The following CEP152 variants were observed in gnomAD, a reference collection of about 807,000 sequenced individuals.
The protein encoded by CEP152 is centrosomal protein 152, also known as centrosomal protein of 152 kDa.
In CEP152, 132 loss-of-function variants were observed where a neutral mutation model predicts 188.9. That is an observed-to-expected ratio of 0.70 (90% CI 0.61 to 0.81). The LOEUF is 0.81. Ranked by LOEUF, CEP152 falls within the 30% of genes least tolerant of loss-of-function variation. The probability of loss-of-function intolerance (pLI) is 0.00; values close to 1 mark genes in which losing one functional copy is unlikely to be tolerated. For synonymous variants in CEP152, 649 were observed against 666.6 expected (o/e 0.97, Z 0.41); for missense variants, 1,914 against 1,969.8 (o/e 0.97, Z 0.54).
chr15:48,745,025 T>C (rs1033202452), intron 22 of CEP152, 33 bp from the exon 23 acceptor site: 3 of 1,485,502 alleles, frequency 2.0e-6, no homozygotes, highest in African/African-American at 2.9e-5. Context: ...TATTAGACAG[T>C]TAAAAATTTT....
intron 26 of CEP152, among the ~76,000 whole-genome samples, chr15:48,739,557 T>C (rs1892813971): frequency 6.6e-6 from 1 of 152,202 alleles, no homozygotes; most frequent in Admixed American, 6.5e-5. Flanking sequence ...TTGCTATCCA[T>C]CTGACCTATC....
rs950124283 is a variant in CEP152, at chr15:48,793,383, T to G, written c.770A>C (p.Glu257Ala). Residue 257 changes from glutamate to alanine, a missense_variant, in exon 7 of 27, where the codon GAA (glutamate) becomes GCA (alanine). Physicochemically the swap from Glu to Ala is moderately radical, Grantham distance 107 (BLOSUM62 -1). Coordinates refer to ENST00000380950, the MANE Select transcript of CEP152 (RefSeq NM_001194998.2). ...TTGACGTTCACTTTCATTTAACTTTTCAATTAAGTTCTCCAGTTGTCTCTC... is the reference window on the plus strand; with the variant it reads ...TTGACGTTCACTTTCATTTAACTTTGCAATTAAGTTCTCCAGTTGTCTCTC... ...AKERQLENLI[E>A]KLNESERQIR... 3 of 1,613,908 alleles carry G rather than the reference T, an allele frequency of 1.9e-6. No homozygotes were observed. The African/African-American group carries it at 4.0e-5, about 22-fold the overall frequency.
chr15:48,744,971 T>C lies in CEP152; in HGVS notation c.3656A>G (p.Glu1219Gly). 1 of 1,606,742 alleles carries C rather than the reference T, an allele frequency of 6.2e-7. No individual in the cohort carries two copies. The part of the protein sequence containing the change: ...KIGEENNKVV[E>G]ELIEENNDMK... ...GTCGTTGTTTTCTTCTATTAATTCT[T>C]CAACAACTTTATTATTCTCTTCTAT... The change falls in exon 23 of 27, where the codon GAA becomes GGA. Residue 1219 changes from glutamate (E) to glycine (G), a missense_variant. Coordinates refer to ENST00000380950, the MANE Select transcript of CEP152 (RefSeq NM_001194998.2).
At chr15:48,739,983 A>C (rs1892839396) in intron 26 of CEP152, among the ~76,000 whole-genome samples, 1 of 152,204 alleles carries the variant, frequency 6.6e-6, no homozygotes, top group Non-Finnish European at 1.5e-5. Flanking sequence ...TGGCTTGTAC[A>C]TGAGGAATGT....
chr15:48,743,335 T>C (rs746967859), intron 24 of CEP152, among the ~76,000 whole-genome samples: 8 of 152,228 alleles, frequency 5.3e-5, no homozygotes, highest in Non-Finnish European at 1.0e-4. Flanking sequence ...ATATACATTT[T>C]TCCTATATAA....
chr15:48,784,566 T>C (rs759226633), intron 9 of CEP152, among the ~76,000 whole-genome samples: 34 of 152,218 alleles, frequency 2.2e-4, no homozygotes, highest in Admixed American at 3.9e-4. Flanking sequence ...GAAAACTCAC[T>C]GTATTCTAAG....
At chr15:48,792,900 T>C (rs1013387934) in intron 7 of CEP152, among the ~76,000 whole-genome samples, 5 of 150,354 alleles carry the variant, frequency 3.3e-5, no homozygotes, top group Non-Finnish European at 5.9e-5. Flanking sequence ...CACTGCAACC[T>C]CCGCCTGCAG....
In CEP152 at chr15:48,793,554, C is replaced by G. The variant is rs535730594; in HGVS notation, c.692-93G>C. ...GTGTTTTTCAAACTGTGACTACAAC[C>G]TTTTAGAGCATCATGAAATCAATTC... On this transcript the variant is annotated intron_variant, in intron 6 of 26. Coordinates refer to ENST00000380950, the MANE Select transcript of CEP152 (RefSeq NM_001194998.2). 2.6e-4 allele frequency: 273 copies of G among 1,068,068 alleles called. 1 individual carries two copies. In the African/African-American group the frequency reaches 3.9e-3, roughly 15 times the overall value. The allele number at this position is 1,068,068 out of a possible 1,614,324, so 66.2% of individuals were successfully genotyped here. A position where few individuals can be genotyped will look rare whatever the true frequency, so the allele number is the denominator to read the frequency against.
At chr15:48,791,964 T>C (rs939076505) in intron 7 of CEP152, among the ~76,000 whole-genome samples, 2 of 152,236 alleles carry the variant, frequency 1.3e-5, no homozygotes, top group African/African-American at 2.4e-5. Flanking sequence ...AAAGAAGTTA[T>C]CTGAGGACTA....
At chr15:48,796,437 C>T (rs1474058018) in intron 5 of CEP152, among the ~76,000 whole-genome samples, 1 of 151,824 alleles carries the variant, frequency 6.6e-6, no homozygotes, top group Non-Finnish European at 1.5e-5. Flanking sequence ...ACAATGAAGG[C>T]AATTTTATAA....
intron 24 of CEP152, 25 bp downstream of exon 24, chr15:48,744,215 T>G: frequency 1.2e-6 from 2 of 1,612,928 alleles, no homozygotes; most frequent in South Asian, 2.2e-5. Flanking sequence ...CAAGCCATCC[T>G]TAAAATCTTC....
At chr15:48,744,555 A>G (rs1893266714) in intron 23 of CEP152, among the ~76,000 whole-genome samples, 1 of 152,224 alleles carries the variant, frequency 6.6e-6, no homozygotes, top group Admixed American at 6.5e-5. Flanking sequence ...CAGTAAATCC[A>G]CATGAAAATT....
At chr15:48,774,160 A>G (rs548210664) in intron 12 of CEP152, among the ~76,000 whole-genome samples, 53 of 152,268 alleles carry the variant, frequency 3.5e-4, no homozygotes, top group Non-Finnish European at 6.8e-4. Flanking sequence ...AGAAAAGATC[A>G]GTGAACACAT....
At position 48,741,487 on chromosome 15, in the gene CEP152, A is replaced by C. The variant is rs575885371; in HGVS notation, c.4093+114T>G. ...CTTCTAGTTTAAGTAAAACATACAA[A>C]ACTTCACAAATTAACTCTCACTCCT... On this transcript the variant is annotated intron_variant, in intron 26 of 26. Transcript: ENST00000380950. 45 of 1,588,054 alleles carry C rather than the reference A, an allele frequency of 2.8e-5. 1 individual carries two copies. In the South Asian group the frequency reaches 4.9e-4, roughly 17 times the overall value.
chr15:48,806,212 T>C (rs1036002496), intron 1 of CEP152, among the ~76,000 whole-genome samples: 1 of 152,184 alleles, frequency 6.6e-6, no homozygotes, highest in Non-Finnish European at 1.5e-5. Context: ...CCTCTTAAGC[T>C]TGATAAAATC....
intron 1 of CEP152, 35 bp from the exon 2 acceptor site, chr15:48,805,691 C>A: frequency 1.2e-6 from 2 of 1,612,832 alleles, no homozygotes; most frequent in South Asian, 2.2e-5. Context: ...TTTCTGGACA[C>A]CACATAAAAT....
intron 22 of CEP152, among the ~76,000 whole-genome samples, chr15:48,745,353 CGATCATTGA>C (rs1467199132): frequency 1.3e-5 from 2 of 152,034 alleles, no homozygotes; most frequent in East Asian, 3.9e-4. Flanking sequence ...CTCATATAAA[CGATCATTGA>C]ACATGCACCT....
chr15:48,752,619 T>TTA (rs1893960592), intron 20 of CEP152, 150 bp from the exon 21 acceptor site: 2 of 1,361,458 alleles, frequency 1.5e-6, no homozygotes, highest in African/African-American at 2.9e-5. Flanking sequence ...TCTTAGGGTG[T>TTA]TATATAAGTA....
intron 2 of CEP152, among the ~76,000 whole-genome samples, chr15:48,798,483 C>G (rs1276581278): frequency 6.6e-6 from 1 of 152,128 alleles, no homozygotes; most frequent in Non-Finnish European, 1.5e-5. Context: ...CAGATGCACT[C>G]TGGCCAGGTG....
Sources: gnomAD v4.1 joint callset for allele counts (sites outside exome capture counted in the v4.1 genomes callset) on GRCh38, gnomAD v4.1.1 for gene constraint, MANE v1.5 for transcripts, NCBI Gene and HGNC (gene_info 2026-07-23, HGNC 2026-07-21) for gene names.